CELF2: variants seen among roughly 807,000 people sequenced by gnomAD.
CELF2 encodes the protein CUGBP Elav-like family member 2.
In CELF2, 8 loss-of-function variants were observed where a neutral mutation model predicts 62.6. The observed-to-expected ratio is 0.13, with a 90% confidence interval of 0.07 to 0.23. The LOEUF is 0.23. Ranked by LOEUF, CELF2 falls within the 10% of genes least tolerant of loss-of-function variation. The pLI is 1.00. For synonymous variants in CELF2, 258 were observed against 250.0 expected, an observed-to-expected ratio of 1.03 and a Z score of -0.30; for missense variants, 333 against 671.0, an observed-to-expected ratio of 0.50 and a Z score of 5.56.
chr10:11,257,395 G>A (rs866946787), intron 4 of CELF2, among the ~76,000 whole-genome samples: 35 of 150,342 alleles, frequency 2.3e-4, no homozygotes, highest in Non-Finnish European at 4.1e-4. Context: ...CCCAGAGAAT[G>A]GTAGTGTTGA....
chr10:10,644,734 C>T, the CELF2 span, among the ~76,000 whole-genome samples: 1 of 152,178 alleles, frequency 6.6e-6, no homozygotes, highest in African/African-American at 2.4e-5. Flanking sequence ...TTTAGCCCCA[C>T]TAGTGTCTAA....
chr10:10,794,996 C>T (rs1455640371), upstream of CELF2: 1 of 152,152 alleles, frequency 6.6e-6, no homozygotes, highest in African/African-American at 2.4e-5. Context: ...TCCCTCATGA[C>T]TCTAACCCCA....
At chr10:10,584,262 A>G in the CELF2 span, among the ~76,000 whole-genome samples, 1 of 152,252 alleles carries the variant, frequency 6.6e-6, no homozygotes. Flanking sequence ...CCCCAGAATC[A>G]TAGCAGATTC....
chr10:11,166,623 C>T (rs896883193), intron 2 of CELF2, among the ~76,000 whole-genome samples: 5 of 152,138 alleles, frequency 3.3e-5, no homozygotes, highest in African/African-American at 9.7e-5. Flanking sequence ...TGTTGTTCTG[C>T]GGGCCTCACA....
the CELF2 span, among the ~76,000 whole-genome samples, chr10:10,617,494 C>G: frequency 6.6e-6 from 1 of 152,122 alleles, no homozygotes. Context: ...AAGCTGGATT[C>G]TAGATACTGG....
chr10:11,226,600 CCA>C (rs59521803), intron 3 of CELF2, among the ~76,000 whole-genome samples: 484 of 25,948 alleles, frequency 0.019, 1 homozygote, highest in African/African-American at 0.028. Flanking sequence ...CAGGCAGTGG[CCA>C]CACACACACA....
chr10:10,656,280 A>C, the CELF2 span, among the ~76,000 whole-genome samples: 12 of 151,172 alleles, frequency 7.9e-5, no homozygotes, highest in African/African-American at 9.7e-5. Flanking sequence ...GTGGGACTGT[A>C]AACTAGTTCA....
chr10:11,023,914 C>T (rs1157162824), intron 1 of CELF2, among the ~76,000 whole-genome samples: 1 of 152,100 alleles, frequency 6.6e-6, no homozygotes, highest in East Asian at 1.9e-4. Flanking sequence ...AGTGTGTAGT[C>T]CTGTGGTTTT....
At chr10:10,504,992 C>A in the CELF2 span, among the ~76,000 whole-genome samples, 1 of 152,014 alleles carries the variant, frequency 6.6e-6, no homozygotes, top group Non-Finnish European at 1.5e-5. Context: ...GCTTTTAAAA[C>A]CTTTGTCAGA....
intron 1 of CELF2, among the ~76,000 whole-genome samples, chr10:11,070,558 G>A (rs2069590767): frequency 6.6e-6 from 1 of 152,158 alleles, no homozygotes; most frequent in African/African-American, 2.4e-5. Context: ...TGGAGTTGGA[G>A]GTTCATCTGC....
At chr10:11,079,618 C>T (rs142701637) in intron 1 of CELF2, among the ~76,000 whole-genome samples, 9 of 152,214 alleles carry the variant, frequency 5.9e-5, no homozygotes, top group Admixed American at 2.6e-4. Flanking sequence ...AGGTGCCTTC[C>T]GCCATGATTG....
At chr10:11,080,556 A>G (rs1564648847) in intron 1 of CELF2, among the ~76,000 whole-genome samples, 1 of 152,212 alleles carries the variant, frequency 6.6e-6, no homozygotes, top group Non-Finnish European at 1.5e-5. Flanking sequence ...ATTTCAGGCA[A>G]AGGCAGTGTT....
intron 8 of CELF2, among the ~76,000 whole-genome samples, chr10:11,286,229 C>T (rs2091267283): frequency 6.6e-6 from 1 of 152,184 alleles, no homozygotes; most frequent in Admixed American, 6.5e-5. Context: ...ACTGAGGCTC[C>T]TACCTGGGAG....
At chr10:10,465,680 C>A in the CELF2 span, among the ~76,000 whole-genome samples, 1 of 152,120 alleles carries the variant, frequency 6.6e-6, no homozygotes, top group South Asian at 2.1e-4. Context: ...AGTCCTCTAT[C>A]CTCCTCATCT....
intron 1 of CELF2, among the ~76,000 whole-genome samples, chr10:10,911,018 C>A (rs1189332766): frequency 6.6e-6 from 1 of 152,212 alleles, no homozygotes; most frequent in African/African-American, 2.4e-5. Flanking sequence ...TGATGCTTAA[C>A]ATGCAAACCC....
chr10:10,830,361 G>A lies in CELF2; in HGVS notation c.53+31544G>A, dbSNP rs1322072450. On this transcript the variant is annotated intron_variant, in intron 1 of 13. Transcript: ENST00000636488. ...AAACAGTATTTATAGCAGACTGTTA[G>A]AATCTGAGTTGCAATGTAATCATAG... Among the ~76,000 whole-genome samples, 8 of 150,076 alleles carry A rather than the reference G, an allele frequency of 5.3e-5. No homozygotes were observed. The East Asian group carries it at 1.6e-3, about 29-fold the overall frequency.
the CELF2 span, among the ~76,000 whole-genome samples, chr10:10,498,281 A>G: frequency 2.6e-5 from 4 of 152,348 alleles, no homozygotes; most frequent in East Asian, 1.9e-4. Context: ...CAAGTTAGAC[A>G]CTATGCAGAC....
intron 1 of CELF2, among the ~76,000 whole-genome samples, chr10:10,861,980 A>G (rs1356845730): frequency 6.6e-6 from 1 of 152,178 alleles, no homozygotes; most frequent in Admixed American, 6.5e-5. Flanking sequence ...AGCTCTCCAA[A>G]ATGCTTACAG....
chr10:11,023,523 A>C (rs112082739), intron 1 of CELF2, among the ~76,000 whole-genome samples: 1 of 152,198 alleles, frequency 6.6e-6, no homozygotes, highest in Non-Finnish European at 1.5e-5. Flanking sequence ...CAATATCCTC[A>C]TGCTCTGAAT....
Sources: allele counts gnomAD v4.1 joint callset (sites outside exome capture counted in the v4.1 genomes callset), GRCh38; gene constraint gnomAD v4.1.1; transcripts MANE v1.5; gene names NCBI Gene and HGNC (gene_info 2026-07-23, HGNC 2026-07-21).